ZFP37: variants seen among roughly 807,000 people sequenced by gnomAD.
ZFP37 encodes zinc finger protein 37 homolog.
In ZFP37, 38 loss-of-function variants were observed where a neutral mutation model predicts 52.1. That is an observed-to-expected ratio of 0.73 (90% CI 0.56 to 0.96). The LOEUF (loss-of-function observed/expected upper bound fraction) is 0.96, where lower values mean the gene tolerates loss of function less well. Among genes scored for constraint, ZFP37 ranks in the 40% least tolerant of loss-of-function variants. ZFP37 has a pLI of 0.00. For missense variants in ZFP37, 695 were observed against 741.4 expected, an observed-to-expected ratio of 0.94 and a Z score of 0.73; for synonymous variants, 253 against 259.5, an observed-to-expected ratio of 0.98 and a Z score of 0.24.
chr9:113,043,639 C>T lies in ZFP37; in HGVS notation c.979G>A (p.Gly327Arg). The T allele has an allele frequency of 2.5e-6, 4 of 1,614,088 alleles. No individual in the cohort carries two copies. The highest frequency in any genetic ancestry group is 3.4e-6 in the Non-Finnish European group (4 of 1,179,956). ...GEKPYECNEC[G>R]IAFSQKSHLV... ...TGTGACTTTTGGCTAAAGGCTATCC[C>T]ACATTCATTACATTCATATGGTTTC... is the stretch of plus-strand genomic sequence containing the variant. The change falls in exon 4 of 4, where the codon GGG becomes AGG. Residue 327 changes from glycine to arginine, a missense_variant. Gly to Arg is a moderately radical substitution (Grantham distance 125). Transcript: ENST00000374227.
At chr9:113,054,816 T>A (rs1403568231) in intron 1 of ZFP37, among the ~76,000 whole-genome samples, 1 of 152,182 alleles carries the variant, frequency 6.6e-6, no homozygotes, top group Non-Finnish European at 1.5e-5. Context: ...ACAACTCTAT[T>A]CTAAATCACC....
intron 3 of ZFP37, among the ~76,000 whole-genome samples, chr9:113,048,200 A>T (rs1048754640): frequency 6.6e-6 from 1 of 152,248 alleles, no homozygotes; most frequent in Non-Finnish European, 1.5e-5. Flanking sequence ...AGATAGAGGC[A>T]TGAATTCTGT....
Position 113,052,425 on chromosome 9 carries a change from G to C in ZFP37, c.133-2553C>G, listed in dbSNP as rs1465985146. ...TTAACCCTTCTGGGTCCGGTGATTTGCTAGGAGGACTCACATGACTCAGTA... is the reference window on the plus strand; with the variant it reads ...TTAACCCTTCTGGGTCCGGTGATTTCCTAGGAGGACTCACATGACTCAGTA... On this transcript the variant is annotated intron_variant, in intron 1 of 3. Coordinates refer to ENST00000374227, the MANE Select transcript of ZFP37 (RefSeq NM_003408.3). This position sits in a 1 kb window ranked among gnomAD's most constrained non-coding sequence, Gnocchi z 4.1. 6.6e-6 allele frequency among the ~76,000 whole-genome samples: 1 copy of C among 152,132 alleles called. No homozygotes were observed. Among genetic ancestry groups the C allele is most frequent in the Non-Finnish European group, 1.5e-5 (1 of 68,016 alleles).
At chr9:113,046,760 A>G (rs1828965012) in intron 3 of ZFP37, among the ~76,000 whole-genome samples, 1 of 152,186 alleles carries the variant, frequency 6.6e-6, no homozygotes, top group African/African-American at 2.4e-5. Flanking sequence ...TGGCCCAGCA[A>G]ATTATTGGAG....
intron 1 of ZFP37, among the ~76,000 whole-genome samples, chr9:113,054,178 C>A (rs1829103753): frequency 6.6e-6 from 1 of 152,228 alleles, no homozygotes; most frequent in African/African-American, 2.4e-5. Flanking sequence ...CAAATGATCT[C>A]TAGTCCTGCT....
rs1828843548 is a variant in ZFP37, at chr9:113,041,358, G to A, written c.*1367C>T. ...AATGCACGCTGCACAATGATTCTGA[G>A]GCCAACTCTGGGTTCACTCAGAAAG... is the stretch of plus-strand genomic sequence containing the variant. On this transcript the variant is annotated 3_prime_UTR_variant, in exon 4 of 4. Coordinates refer to ENST00000374227, the MANE Select transcript of ZFP37 (RefSeq NM_003408.3). 1.3e-5 allele frequency: 2 copies of A among 152,172 alleles called. No homozygotes were observed. Among genetic ancestry groups the A allele is most frequent in the Admixed American group, 1.3e-4 (2 of 15,266 alleles). 9.4% of individuals were successfully genotyped at this position (152,172 alleles called of 1,614,324 possible).
chr9:113,048,340 T>C (rs1210949086), intron 3 of ZFP37, among the ~76,000 whole-genome samples: 1 of 152,002 alleles, frequency 6.6e-6, no homozygotes, highest in Non-Finnish European at 1.5e-5. Flanking sequence ...GCCAAGACAT[T>C]TGCAAAGAGG....
chr9:113,046,431 G>A (rs1372712543), intron 3 of ZFP37, among the ~76,000 whole-genome samples: 1 of 151,908 alleles, frequency 6.6e-6, no homozygotes, highest in Non-Finnish European at 1.5e-5. Flanking sequence ...AAAACATTGA[G>A]GAAAAATTTC....
At chr9:113,056,167 T>G (rs1337264706) in intron 1 of ZFP37, among the ~76,000 whole-genome samples, 2 of 152,076 alleles carry the variant, frequency 1.3e-5, no homozygotes, top group Non-Finnish European at 2.9e-5. Flanking sequence ...ATCCTAACAC[T>G]GACCCTCTTT....
At position 113,042,918 on chromosome 9, in the gene ZFP37, T is replaced by C; in HGVS notation, c.1700A>G (p.His567Arg). 1.2e-6 allele frequency: 2 copies of C among 1,613,928 alleles called. No homozygotes were observed. Among genetic ancestry groups the C allele is most frequent in the Non-Finnish European group, 1.7e-6 (2 of 1,179,932 alleles). ...KSHLIVHQRT[H>R]TGEKPYECNE... is the part of the protein sequence containing the mutation. Reference sequence around the variant, plus strand: ...ACATTCATAAGGTTTCTCCCCAGTATGAGTTCTCTGATGTACAATGAGGTG... The same window carrying C: ...ACATTCATAAGGTTTCTCCCCAGTACGAGTTCTCTGATGTACAATGAGGTG... The change falls in exon 4 of 4, where the codon CAT becomes CGT. Residue 567 changes from histidine (H) to arginine (R), a missense_variant. By Grantham distance (29) the His-to-Arg change is conservative. Around this residue, in one of 2 missense-constraint regions of ZFP37, gnomAD observed 326 missense variants for 400.5 expected, o/e 0.81. Transcript: ENST00000374227.
rs1276411590 is a variant in ZFP37 at position 113,044,002 on chromosome 9, T to C, written c.616A>G (p.Lys206Glu). 5 of 1,613,934 alleles carry C rather than the reference T, an allele frequency of 3.1e-6. No individual in the cohort carries two copies. The Admixed American group carries it at 5.0e-5, about 16-fold the overall frequency. Residue 206 changes from lysine to glutamate, a missense_variant, in exon 4 of 4, where the codon AAA becomes GAA. Lys to Glu is a moderately conservative substitution (Grantham distance 56). Around this residue, in one of 2 missense-constraint regions of ZFP37, gnomAD observed 369 missense variants for 340.9 expected, o/e 1.08. Coordinates refer to ENST00000374227, the MANE Select transcript of ZFP37 (RefSeq NM_003408.3). The part of the protein sequence containing the change: ...NCVKRKSDAA[K>E]EHKKSFNHSL... ...TGGTTGAATGACTTCTTGTGTTCTT[T>C]AGCTGCATCAGATTTCCTTTTTACA... is the stretch of plus-strand genomic sequence containing the variant.
intron 1 of ZFP37, among the ~76,000 whole-genome samples, chr9:113,053,514 T>A (rs1829092644): frequency 6.6e-6 from 1 of 152,202 alleles, no homozygotes; most frequent in Non-Finnish European, 1.5e-5. Context: ...AATGGACACC[T>A]AATCCTGTCA....
intron 1 of ZFP37, among the ~76,000 whole-genome samples, chr9:113,055,749 A>G (rs1176052223): frequency 6.6e-6 from 1 of 152,062 alleles, no homozygotes; most frequent in Admixed American, 6.5e-5. Flanking sequence ...CTGACCACCA[A>G]AGAACCCTCA....
At chr9:113,051,645 G>A (rs1829060134) in intron 1 of ZFP37, among the ~76,000 whole-genome samples, 1 of 152,054 alleles carries the variant, frequency 6.6e-6, no homozygotes, top group Non-Finnish European at 1.5e-5. Context: ...TGTAGAGACA[G>A]GTTCTTGCTA....
rs1741124473 is a variant in ZFP37 at position 113,052,272 on chromosome 9, C to T, written c.133-2400G>A. On this transcript the variant is annotated intron_variant, in intron 1 of 3. Transcript: ENST00000374227. This position sits in a 1 kb window ranked among gnomAD's most constrained non-coding sequence, Gnocchi z 4.1. ...GGAGTGGAGGCTGTCTTTCCTGCAC[C>T]ACCCCTCTCCCTGCCATGACCCATG... Among the ~76,000 whole-genome samples the T allele has an allele frequency of 6.6e-6, 1 of 152,094 alleles. No homozygotes were observed. The highest frequency in any genetic ancestry group is 1.5e-5 in the Non-Finnish European group (1 of 68,010).
At chr9:113,047,410 G>A (rs1828975987) in intron 3 of ZFP37, among the ~76,000 whole-genome samples, 1 of 152,000 alleles carries the variant, frequency 6.6e-6, no homozygotes, top group Non-Finnish European at 1.5e-5. Flanking sequence ...TGGGGACTAT[G>A]GTAACATAAA....
rs539098291 is a variant in ZFP37, at chr9:113,056,710, C to T, written c.-22G>A. Reference sequence around the variant, plus strand: ...ACATGGCGGCTACCCGGAGGGCGGCCTTAGCGGGTCCGGCAGCCGCGATGG... The same window carrying T: ...ACATGGCGGCTACCCGGAGGGCGGCTTTAGCGGGTCCGGCAGCCGCGATGG... On this transcript the variant is annotated 5_prime_UTR_variant, in exon 1 of 4. Transcript: ENST00000374227. 1.8e-5 allele frequency: 29 copies of T among 1,606,298 alleles called. No individual in the cohort carries two copies. The East Asian group carries it at 4.2e-4, about 23-fold the overall frequency.
Position 113,044,100 on chromosome 9 carries a change from C to A in ZFP37, c.518G>T (p.Arg173Met). The change falls in exon 4 of 4, where the codon AGG (arginine) becomes ATG (methionine). Residue 173 changes from arginine (R) to methionine (M), a missense_variant. Physicochemically the swap from Arg to Met is moderately conservative, Grantham distance 91 (BLOSUM62 -1). Transcript: ENST00000374227. ...TCCACATGACTCAAATTTAAGAAGC[C>A]TTTTCTTTGAAGGAACATGTTTTTT... ...LHKKHVPSKK[R>M]LLKFESCGKI... 6.2e-7 allele frequency: 1 copy of A among 1,611,324 alleles called. No individual in the cohort carries two copies. The highest frequency in any genetic ancestry group is 8.5e-7 in the Non-Finnish European group (1 of 1,179,424).
At chr9:113,051,268 C>T (rs1257064724) in intron 1 of ZFP37, among the ~76,000 whole-genome samples, 3 of 152,036 alleles carry the variant, frequency 2.0e-5, no homozygotes, top group African/African-American at 7.2e-5. Context: ...AGAACCCTAA[C>T]TAGGGGGGTG....
Sources: gnomAD v4.1 joint callset for allele counts (sites outside exome capture counted in the v4.1 genomes callset) on GRCh38, gnomAD v4.1.1 for gene constraint, gnomAD v4.1.1 regional missense constraint, Gnocchi (gnomAD v3.1) non-coding constraint, MANE v1.5 for transcripts, NCBI Gene and HGNC (gene_info 2026-07-23, HGNC 2026-07-21) for gene names.